ARHGAP6: variants seen among roughly 807,000 people sequenced by gnomAD.
ARHGAP6 encodes the protein rho GTPase-activating protein 6.
Under a neutral mutation model 55.7 loss-of-function variants are expected in ARHGAP6, and 16 were observed. That is an observed-to-expected ratio of 0.29 (90% CI 0.19 to 0.44). The LOEUF is 0.44. Among genes scored for constraint, ARHGAP6 ranks in the 20% least tolerant of loss-of-function variants. ARHGAP6 has a pLI of 1.00. For synonymous variants in ARHGAP6, 382 were observed against 360.9 expected (o/e 1.06, Z -0.66); for missense variants, 698 against 808.9 (o/e 0.86, Z 1.66).
chrX:11,149,454 T>G (rs1426933116), intron 10 of ARHGAP6, among the ~76,000 whole-genome samples: 4 of 108,360 alleles, frequency 3.7e-5, no homozygotes, highest in Admixed American at 2.0e-4. Flanking sequence ...TTGAATGGAG[T>G]ATGTGTGTTG....
intron 1 of ARHGAP6, among the ~76,000 whole-genome samples, chrX:11,492,734 T>C (rs1220795716): frequency 1.3e-4 from 10 of 79,773 alleles, no homozygotes; most frequent in African/African-American, 4.2e-4. Flanking sequence ...AGAGAAAGAA[T>C]GAACTAGATG....
intron 1 of ARHGAP6, among the ~76,000 whole-genome samples, chrX:11,585,440 G>C (rs1293431847): frequency 1.8e-5 from 2 of 112,153 alleles, no homozygotes; most frequent in African/African-American, 6.5e-5. Flanking sequence ...GACAGTGCTT[G>C]TTATTTTTTG....
chrX:11,260,752 A>T (rs765513649), intron 1 of ARHGAP6, among the ~76,000 whole-genome samples: 1 of 112,107 alleles, frequency 8.9e-6, no homozygotes, highest in South Asian at 3.7e-4. Context: ...AGAAATGTAA[A>T]CATAATTCTT....
chrX:11,560,491 T>C (rs2051374374), intron 1 of ARHGAP6, among the ~76,000 whole-genome samples: 1 of 112,256 alleles, frequency 8.9e-6, no homozygotes, highest in Admixed American at 9.4e-5. Flanking sequence ...TATGTGGACA[T>C]CATAAGGTTG....
At chrX:11,208,967 T>C (rs1286562463) in intron 2 of ARHGAP6, among the ~76,000 whole-genome samples, 3 of 112,164 alleles carry the variant, frequency 2.7e-5, no homozygotes, top group Non-Finnish European at 5.6e-5. Flanking sequence ...ATTGTGTAAA[T>C]TCTGTAGAAT....
chrX:11,167,883 T>C (rs891737581), intron 9 of ARHGAP6, among the ~76,000 whole-genome samples: 7 of 112,181 alleles, frequency 6.2e-5, no homozygotes, highest in Non-Finnish European at 3.8e-5. Flanking sequence ...GTAAATTTTA[T>C]ATAGAGTCAA....
intron 1 of ARHGAP6, among the ~76,000 whole-genome samples, chrX:11,636,694 C>T (rs923808668): frequency 2.7e-5 from 3 of 111,803 alleles, no homozygotes; most frequent in African/African-American, 9.7e-5. Flanking sequence ...AAATGATTTG[C>T]TTGTTTAAAA....
intron 5 of ARHGAP6, among the ~76,000 whole-genome samples, chrX:11,182,399 C>T (rs1352207842): frequency 3.6e-5 from 4 of 111,422 alleles, no homozygotes; most frequent in Non-Finnish European, 7.5e-5. Flanking sequence ...AGAAAATGAG[C>T]TTTTGTCCAT....
chrX:11,289,480 G>A (rs1303203105), intron 1 of ARHGAP6, among the ~76,000 whole-genome samples: 4 of 111,598 alleles, frequency 3.6e-5, no homozygotes, highest in African/African-American at 1.3e-4. Context: ...GTGTTTTGGC[G>A]AATATCTCCC....
chrX:11,190,718 T>C (rs762347638), intron 3 of ARHGAP6, among the ~76,000 whole-genome samples: 250 of 111,094 alleles, frequency 2.3e-3, no homozygotes, highest in Non-Finnish European at 3.9e-3. Context: ...GGCATATGCA[T>C]GGCAGGGATT....
chrX:11,606,717 T>G (rs890075459), intron 1 of ARHGAP6, among the ~76,000 whole-genome samples: 1 of 111,900 alleles, frequency 8.9e-6, no homozygotes, highest in African/African-American at 3.3e-5. Context: ...TCAGTTTTAC[T>G]CTTTAAAATC....
chrX:11,556,321 T>C (rs780034889), intron 1 of ARHGAP6, among the ~76,000 whole-genome samples: 99 of 111,656 alleles, frequency 8.9e-4, no homozygotes, highest in Middle Eastern at 4.6e-3. Context: ...CCAGGATAGA[T>C]GAGTGTATGG....
At chrX:11,652,257 C>T (rs192349202) in intron 1 of ARHGAP6, among the ~76,000 whole-genome samples, 2 of 111,710 alleles carry the variant, frequency 1.8e-5, no homozygotes, top group Admixed American at 9.5e-5. Context: ...TTACAGTGTT[C>T]GGTTTTACAT....
intron 1 of ARHGAP6, among the ~76,000 whole-genome samples, chrX:11,492,222 CCATTT>C (rs1192282185): frequency 9.2e-6 from 1 of 109,272 alleles, no homozygotes. Context: ...TAATTAGATC[CCATTT>C]GTCAATTTTG....
intron 1 of ARHGAP6, among the ~76,000 whole-genome samples, chrX:11,437,526 G>A (rs937432391): frequency 1.8e-5 from 2 of 112,110 alleles, no homozygotes; most frequent in African/African-American, 6.5e-5. Flanking sequence ...CTGTTCCCAG[G>A]AGAAACTGGT....
chrX:11,496,241 G>A (rs1418249395), intron 1 of ARHGAP6, among the ~76,000 whole-genome samples: 1 of 112,519 alleles, frequency 8.9e-6, no homozygotes. Context: ...ATGCTTATGT[G>A]AGATAAAAAA....
intron 1 of ARHGAP6, among the ~76,000 whole-genome samples, chrX:11,512,067 C>T (rs1219749376): frequency 2.7e-5 from 3 of 111,353 alleles, no homozygotes; most frequent in African/African-American, 9.8e-5. Flanking sequence ...ACCTTGTGAT[C>T]TGTCCGCCTT....
At chrX:11,516,322 T>C (rs1343130335) in intron 1 of ARHGAP6, among the ~76,000 whole-genome samples, 3 of 112,033 alleles carry the variant, frequency 2.7e-5, no homozygotes, top group African/African-American at 9.7e-5. Flanking sequence ...TACTTCCACA[T>C]TGTTGTGCAA....
intron 1 of ARHGAP6, among the ~76,000 whole-genome samples, chrX:11,388,725 T>G (rs1362050182): frequency 8.9e-6 from 1 of 111,980 alleles, no homozygotes; most frequent in Non-Finnish European, 1.9e-5. Flanking sequence ...TTGAATTGAT[T>G]TTTGTATAAG....
Sources: allele counts gnomAD v4.1 joint callset (sites outside exome capture counted in the v4.1 genomes callset), GRCh38; gene constraint gnomAD v4.1.1; transcripts MANE v1.5; gene names NCBI Gene and HGNC (gene_info 2026-07-23, HGNC 2026-07-21).